The following UHRF2 variants were observed in gnomAD, a reference collection of about 807,000 sequenced individuals.
The protein encoded by UHRF2 is ubiquitin like with PHD and ring finger domains 2, also known as E3 ubiquitin-protein ligase UHRF2.
In UHRF2, 23 loss-of-function variants were observed where a neutral mutation model predicts 96.8. The ratio of observed to expected loss-of-function variants is 0.24; its 90% confidence interval spans 0.17 to 0.34. The LOEUF is 0.34. UHRF2 is among the 10% of genes least tolerant of loss of function. The probability of loss-of-function intolerance (pLI) is 1.00; values close to 1 mark genes in which losing one functional copy is unlikely to be tolerated. For missense variants in UHRF2, 685 were observed against 981.5 expected, an observed-to-expected ratio of 0.70 and a Z score of 4.04; for synonymous variants, 385 against 332.6, an observed-to-expected ratio of 1.16 and a Z score of -1.72.
chr9:6,417,359 C>G (rs933875206), intron 1 of UHRF2, among the ~76,000 whole-genome samples: 1 of 152,170 alleles, frequency 6.6e-6, no homozygotes, highest in African/African-American at 2.4e-5. Context: ...CAAACATTTG[C>G]TTTTGAGACA....
At chr9:6,500,468 A>T in intron 13 of UHRF2, 84 bp from the exon 14 acceptor site, 1 of 1,179,066 alleles carries the variant, frequency 8.5e-7, no homozygotes, top group Non-Finnish European at 1.2e-6. Context: ...GCTAAACATT[A>T]CTTGTGCCAG....
intron 3 of UHRF2, among the ~76,000 whole-genome samples, chr9:6,437,115 A>G (rs73642519): frequency 0.024 from 3,703 of 152,350 alleles, 164 homozygotes; most frequent in African/African-American, 0.082. Flanking sequence ...AATGAATTAT[A>G]AAATATAATG....
chr9:6,453,299 CAG>C (rs1821978951), intron 3 of UHRF2, among the ~76,000 whole-genome samples: 1 of 152,114 alleles, frequency 6.6e-6, no homozygotes. Context: ...TTAATTTTGA[CAG>C]AGTTAGGTTA....
At chr9:6,420,356 A>AT (rs993051544) in intron 1 of UHRF2, among the ~76,000 whole-genome samples, 13 of 144,502 alleles carry the variant, frequency 9.0e-5, no homozygotes, top group East Asian at 4.7e-4. Context: ...CGCCCGGCCC[A>AT]TTTTTTTTGT....
intron 4 of UHRF2, among the ~76,000 whole-genome samples, chr9:6,473,970 T>G (rs1026285724): frequency 6.6e-6 from 1 of 152,192 alleles, no homozygotes; most frequent in Admixed American, 6.5e-5. Context: ...TTAACAGATT[T>G]CAAGGAGGAA....
At chr9:6,451,152 C>CAAACAATAGGACTACTGAA (rs1334298245) in intron 3 of UHRF2, among the ~76,000 whole-genome samples, 19 of 152,128 alleles carry the variant, frequency 1.2e-4, no homozygotes, top group Non-Finnish European at 1.9e-4. Context: ...TTTCATATTG[C>CAAACAATAGGACTACTGAA]AAACAATAGG....
At chr9:6,443,387 A>C (rs1415749520) in intron 3 of UHRF2, among the ~76,000 whole-genome samples, 1 of 152,226 alleles carries the variant, frequency 6.6e-6, no homozygotes, top group Admixed American at 6.5e-5. Context: ...ACTGAGGTTT[A>C]AAGAAGTAAC....
intron 3 of UHRF2, among the ~76,000 whole-genome samples, chr9:6,434,622 A>G (rs1442197671): frequency 1.3e-5 from 2 of 151,974 alleles, no homozygotes; most frequent in South Asian, 2.1e-4. Flanking sequence ...TATTTTTAGT[A>G]GAGATGGGGT....
At chr9:6,425,746 T>C (rs1021068762) in intron 2 of UHRF2, among the ~76,000 whole-genome samples, 13 of 148,922 alleles carry the variant, frequency 8.7e-5, no homozygotes, top group Admixed American at 3.4e-4. Context: ...CCTGGGTGAG[T>C]GAGACTTCGT....
chr9:6,486,995 A>G (rs1455448690), intron 9 of UHRF2, 70 bp downstream of exon 9: 1 of 1,409,866 alleles, frequency 7.1e-7, no homozygotes, highest in African/African-American at 1.4e-5. Flanking sequence ...AGCTTTGCCT[A>G]GGATACATCA....
At chr9:6,459,830 G>T (rs1314330573) in intron 3 of UHRF2, among the ~76,000 whole-genome samples, 2 of 152,160 alleles carry the variant, frequency 1.3e-5, no homozygotes, top group African/African-American at 2.4e-5. Context: ...CATATTAGCT[G>T]GGTGTGGTGG....
At chr9:6,474,007 A>G (rs1173275443) in intron 4 of UHRF2, among the ~76,000 whole-genome samples, 2 of 152,114 alleles carry the variant, frequency 1.3e-5, no homozygotes, top group South Asian at 2.1e-4. Context: ...TTTATAGATT[A>G]GAGACTTTTC....
chr9:6,469,607 C>A (rs1421447699), intron 4 of UHRF2, among the ~76,000 whole-genome samples: 1 of 149,736 alleles, frequency 6.7e-6, no homozygotes, highest in African/African-American at 2.5e-5. Flanking sequence ...ATAAAAACTA[C>A]CCATACTGAA....
chr9:6,490,865 C>G (rs1260003715), intron 9 of UHRF2, among the ~76,000 whole-genome samples: 2 of 152,116 alleles, frequency 1.3e-5, no homozygotes, highest in Non-Finnish European at 2.9e-5. Context: ...ATTTTATAAG[C>G]ATTTTCAACT....
intron 3 of UHRF2, among the ~76,000 whole-genome samples, chr9:6,457,671 G>T (rs1438876988): frequency 6.6e-6 from 1 of 152,130 alleles, no homozygotes; most frequent in Admixed American, 6.6e-5. Context: ...ATTATTTTGA[G>T]ATACATTCCA....
intron 4 of UHRF2, among the ~76,000 whole-genome samples, 164 bp downstream of exon 4, chr9:6,460,955 A>T (rs1822500775): frequency 2.0e-5 from 3 of 152,266 alleles, no homozygotes; most frequent in African/African-American, 7.2e-5. Flanking sequence ...GAATTTTTAA[A>T]AGTTAAGAAT....
chr9:6,491,392 C>T (rs191401473), intron 9 of UHRF2, among the ~76,000 whole-genome samples: 3 of 152,332 alleles, frequency 2.0e-5, no homozygotes, highest in Admixed American at 1.3e-4. Flanking sequence ...TCTCCTAACA[C>T]CACCTAACCC....
chr9:6,414,898 T>C (rs2130698371), intron 1 of UHRF2, among the ~76,000 whole-genome samples: 1 of 152,336 alleles, frequency 6.6e-6, no homozygotes, highest in African/African-American at 2.4e-5. Flanking sequence ...CTTCTTAGTG[T>C]TTGACTTGTA....
At chr9:6,487,415 G>T (rs879553399) in intron 9 of UHRF2, among the ~76,000 whole-genome samples, 4 of 151,874 alleles carry the variant, frequency 2.6e-5, no homozygotes, top group Admixed American at 6.6e-5. Flanking sequence ...CACCTAGACT[G>T]GAGTTCAGTG....
Sources: allele counts gnomAD v4.1 joint callset (sites outside exome capture counted in the v4.1 genomes callset), GRCh38; gene constraint gnomAD v4.1.1; transcripts MANE v1.5; gene names NCBI Gene and HGNC (gene_info 2026-07-23, HGNC 2026-07-21).